ARHGEF28: variants seen among roughly 807,000 people sequenced by gnomAD.
ARHGEF28 encodes 190 kDa guanine nucleotide exchange factor.
A neutral mutation model predicts 206.6 loss-of-function variants in ARHGEF28; 152 were observed. The ratio of observed to expected loss-of-function variants is 0.74; its 90% CI spans 0.64 to 0.84. ARHGEF28 has a LOEUF of 0.84. Among genes scored for constraint, ARHGEF28 ranks in the 40% least tolerant of loss-of-function variants. The pLI is 0.00. For synonymous variants in ARHGEF28, 763 were observed against 776.4 expected (o/e 0.98, Z 0.29); for missense variants, 2,028 against 2,073.2 (o/e 0.98, Z 0.42).
chr5:73,666,459 G>T lies in ARHGEF28; in HGVS notation c.-11-18382G>T, dbSNP rs116228379. Among the ~76,000 whole-genome samples, 649 of 152,268 alleles carry T rather than the reference G, an allele frequency of 4.3e-3. 3 individuals are homozygous for T. Among genetic ancestry groups the T allele is most frequent in the African/African-American group, 0.015 (621 of 41,560 alleles). ...ATTACCCTAGTGGAGGCTCTCTTTG[G>T]TGGCTCCATTCCTGTGACAAGTCTC... is the stretch of plus-strand genomic sequence containing the variant. On this transcript the variant is annotated intron_variant, in intron 1 of 35. Transcript: ENST00000513042.
At position 73,909,401 on chromosome 5, in the gene ARHGEF28, T is replaced by C; in HGVS notation, c.4162-11T>C. On this transcript the variant is annotated splice_polypyrimidine_tract_variant and intron_variant, in intron 33 of 35. Coordinates refer to ENST00000513042, the MANE Select transcript of ARHGEF28 (RefSeq NM_001177693.2). ...TGTGTTCAGTGATTTTTCCTCTGTC[T>C]GCTCTGACAGGCCGCCTTGACCATT... 6.3e-7 allele frequency: 1 copy of C among 1,583,750 alleles called. No individual in the cohort carries two copies. Among genetic ancestry groups the C allele is most frequent in the Non-Finnish European group, 8.6e-7 (1 of 1,160,218 alleles).
chr5:73,669,057 G>T (rs1020716639), intron 1 of ARHGEF28, among the ~76,000 whole-genome samples: 1 of 151,986 alleles, frequency 6.6e-6, no homozygotes, highest in Admixed American at 6.6e-5. Flanking sequence ...CAATTTCTTT[G>T]TATTTGCCCA....
chr5:73,642,996 C>T (rs956581528), intron 1 of ARHGEF28, among the ~76,000 whole-genome samples: 3 of 152,126 alleles, frequency 2.0e-5, no homozygotes, highest in African/African-American at 7.2e-5. Flanking sequence ...ATGACAGCTC[C>T]CAGTTATATA....
At chr5:73,814,979 T>A (rs1364595769) in intron 9 of ARHGEF28, among the ~76,000 whole-genome samples, 1 of 152,180 alleles carries the variant, frequency 6.6e-6, no homozygotes, top group African/African-American at 2.4e-5. Flanking sequence ...TTATATTCAA[T>A]ATACAATTTT....
chr5:73,892,270 G>A, intron 27 of ARHGEF28, 40 bp downstream of exon 27: 1 of 1,524,194 alleles, frequency 6.6e-7, no homozygotes, highest in Non-Finnish European at 8.8e-7. Context: ...GAACAGAGTT[G>A]TTCAACTGGG....
chr5:73,880,895 G>GCCCCC (rs1201523939), intron 22 of ARHGEF28, among the ~76,000 whole-genome samples: 2 of 151,770 alleles, frequency 1.3e-5, no homozygotes, highest in Admixed American at 6.6e-5. Flanking sequence ...TCCTTCTCCT[G>GCCCCC]CACTCCAGCC....
Position 73,764,345 on chromosome 5 carries a change from G to A in ARHGEF28, c.476-9510G>A, listed in dbSNP as rs964714704. On this transcript the variant is annotated intron_variant, in intron 4 of 35. Coordinates refer to ENST00000513042, the MANE Select transcript of ARHGEF28 (RefSeq NM_001177693.2). ...ATAATTTAGTTTGGAAATATCCTCAGAATGTGAAGGTCAAAAATTGAGTTG... is the reference window on the plus strand; with the variant it reads ...ATAATTTAGTTTGGAAATATCCTCAAAATGTGAAGGTCAAAAATTGAGTTG... 4.6e-5 allele frequency among the ~76,000 whole-genome samples: 7 copies of A among 152,190 alleles called. No homozygotes were observed. The East Asian group carries it at 1.3e-3, about 29-fold the overall frequency.
At chr5:73,813,582 C>T (rs1372728593) in intron 9 of ARHGEF28, 3 of 1,535,426 alleles carry the variant, frequency 2.0e-6, no homozygotes, top group Middle Eastern at 1.7e-4. Context: ...TTCACCAAAA[C>T]AAAAAGATGG....
intron 7 of ARHGEF28, chr5:73,786,448 T>C (rs187219624): frequency 2.0e-5 from 3 of 152,350 alleles, no homozygotes; most frequent in Admixed American, 1.3e-4. Flanking sequence ...ACTGCTCGTC[T>C]AGAGTTCTCT....
chr5:73,769,460 T>C (rs1753095355), intron 4 of ARHGEF28, among the ~76,000 whole-genome samples: 1 of 152,246 alleles, frequency 6.6e-6, no homozygotes, highest in African/African-American at 2.4e-5. Flanking sequence ...AATTGAAACA[T>C]ATCCTGTGTA....
At chr5:73,698,005 T>C (rs1340604837) in intron 2 of ARHGEF28, among the ~76,000 whole-genome samples, 2 of 152,174 alleles carry the variant, frequency 1.3e-5, no homozygotes, top group Non-Finnish European at 2.9e-5. Context: ...CTGAAGATTA[T>C]GCCATTGGAA....
At chr5:73,810,872 G>T (rs1412328988) in intron 9 of ARHGEF28, among the ~76,000 whole-genome samples, 2 of 152,096 alleles carry the variant, frequency 1.3e-5, no homozygotes, top group Non-Finnish European at 2.9e-5. Flanking sequence ...CCTATAGATT[G>T]TATTACTTTT....
intron 1 of ARHGEF28, among the ~76,000 whole-genome samples, chr5:73,634,584 AT>A (rs758007379): frequency 6.6e-6 from 1 of 152,192 alleles, no homozygotes; most frequent in Non-Finnish European, 1.5e-5. Context: ...TTGGAATGAC[AT>A]GTGCTTGTCT....
intron 2 of ARHGEF28, among the ~76,000 whole-genome samples, chr5:73,711,152 A>G (rs530883467): frequency 7.9e-5 from 12 of 152,190 alleles, no homozygotes; most frequent in Non-Finnish European, 1.6e-4. Context: ...TTATTAATAT[A>G]TGTACATTTA....
chr5:73,855,469 C>T (rs1450167429), intron 14 of ARHGEF28, among the ~76,000 whole-genome samples: 1 of 152,148 alleles, frequency 6.6e-6, no homozygotes, highest in Non-Finnish European at 1.5e-5. Context: ...TGGTGGCTCA[C>T]GTTTTTAATC....
intron 7 of ARHGEF28, among the ~76,000 whole-genome samples, chr5:73,788,420 C>T (rs1754284139): frequency 6.6e-6 from 1 of 152,142 alleles, no homozygotes; most frequent in Admixed American, 6.5e-5. Context: ...CTTTGACACT[C>T]CTCAAGCTTA....
intron 9 of ARHGEF28, among the ~76,000 whole-genome samples, chr5:73,820,368 G>C (rs1460331891): frequency 6.6e-6 from 1 of 152,006 alleles, no homozygotes; most frequent in African/African-American, 2.4e-5. Context: ...TGATTTCCTG[G>C]TGACAGTGGA....
At chr5:73,784,546 T>G (rs1380754440) in intron 7 of ARHGEF28, among the ~76,000 whole-genome samples, 2 of 152,212 alleles carry the variant, frequency 1.3e-5, no homozygotes, top group African/African-American at 2.4e-5. Context: ...CTCTCTGTCC[T>G]AGGATTTCCT....
intron 2 of ARHGEF28, among the ~76,000 whole-genome samples, chr5:73,729,677 C>A (rs1238082448): frequency 6.6e-6 from 1 of 152,052 alleles, no homozygotes; most frequent in Non-Finnish European, 1.5e-5. Flanking sequence ...AGGCGGGCAG[C>A]TTCTTTTGAT....
Sources: gnomAD v4.1 joint callset for allele counts (sites outside exome capture counted in the v4.1 genomes callset) on GRCh38, gnomAD v4.1.1 for gene constraint, MANE v1.5 for transcripts, NCBI Gene and HGNC (gene_info 2026-07-23, HGNC 2026-07-21) for gene names.